MED27: variants seen among roughly 807,000 people sequenced by gnomAD.
MED27 encodes mediator complex subunit 27, also known as mediator of RNA polymerase II transcription subunit 27.
Under a neutral mutation model 38.2 loss-of-function variants are expected in MED27, and 30 were observed. The ratio of observed to expected loss-of-function variants is 0.79; its 90% CI spans 0.59 to 1.07. The LOEUF is 1.07. Ranked by LOEUF, MED27 falls within the 50% of genes least tolerant of loss-of-function variation. The pLI is 0.00. For missense variants in MED27, 289 were observed against 397.5 expected (o/e 0.73, Z 2.32); for synonymous variants, 122 against 153.5 (o/e 0.79, Z 1.52).
At chr9:132,005,862 T>C (rs971320231) in intron 3 of MED27, among the ~76,000 whole-genome samples, 4 of 152,174 alleles carry the variant, frequency 2.6e-5, no homozygotes, top group African/African-American at 9.7e-5. Flanking sequence ...CGAGCTTAGG[T>C]AGTGTCAGTT....
intron 4 of MED27, among the ~76,000 whole-genome samples, chr9:131,898,073 A>G (rs138530482): frequency 4.0e-5 from 6 of 151,108 alleles, no homozygotes; most frequent in East Asian, 3.9e-4. Flanking sequence ...TTACCTGCCA[A>G]TTGATAATTA....
intron 2 of MED27, among the ~76,000 whole-genome samples, chr9:132,040,460 G>C (rs1429812032): frequency 6.6e-6 from 1 of 152,220 alleles, no homozygotes; most frequent in Admixed American, 6.5e-5. Flanking sequence ...TCCACATGCA[G>C]AGAAGGCATC....
chr9:132,014,476 A>G lies in MED27; in HGVS notation c.349-9T>C. 3 of 1,609,850 alleles carry G rather than the reference A, an allele frequency of 1.9e-6. No homozygotes were observed. The highest frequency in any genetic ancestry group is 3.3e-4 in the Middle Eastern group (2 of 6,044). ...CCTGCATGGTACTGCAACTGCAGAG[A>G]AAAACAAAACAAAAGGGGAAGAAAA... On this transcript the variant is annotated splice_polypyrimidine_tract_variant and intron_variant, in intron 2 of 7. Transcript: ENST00000292035.
At chr9:132,029,125 C>A (rs752649898) in intron 2 of MED27, among the ~76,000 whole-genome samples, 40 of 152,102 alleles carry the variant, frequency 2.6e-4, no homozygotes, top group Non-Finnish European at 4.9e-4. Context: ...CAACTCCTAT[C>A]AAAAATCTGG....
rs373877643 is a variant in MED27 at position 131,870,105 on chromosome 9, C to G, written c.724-6965G>C. Among the ~76,000 whole-genome samples, 187 of 152,288 alleles carry G rather than the reference C, an allele frequency of 1.2e-3. 2 individuals carry two copies. Among genetic ancestry groups the G allele is most frequent in the African/African-American group, 4.3e-3 (178 of 41,554 alleles). On this transcript the variant is annotated intron_variant, in intron 6 of 7. Transcript: ENST00000292035. ...TGTGCATGGAGCTCCTGACAGCCCC[C>G]CTCCTACAATCAGAGCTGGAGGGTG...
At chr9:131,908,886 A>G (rs927666976) in intron 4 of MED27, among the ~76,000 whole-genome samples, 3 of 152,130 alleles carry the variant, frequency 2.0e-5, no homozygotes, top group African/African-American at 7.2e-5. Flanking sequence ...AAAAAAAAAA[A>G]AAAAAGAACT....
chr9:131,957,830 G>A lies in MED27; in HGVS notation c.480-18356C>T, dbSNP rs149074518. 4.9e-3 allele frequency among the ~76,000 whole-genome samples: 739 copies of A among 150,910 alleles called. 18 individuals are homozygous for A. Among genetic ancestry groups the A allele is most frequent in the Admixed American group, 0.035 (530 of 15,146 alleles). On this transcript the variant is annotated intron_variant, in intron 3 of 7. Transcript: ENST00000292035. ...TTAATGGTTCACGTCTGTAATCCTA[G>A]CACTTTAGGAGGTCAAGGTGGGAGG...
chr9:131,886,781 T>C (rs1431474093), intron 5 of MED27, among the ~76,000 whole-genome samples: 2 of 152,222 alleles, frequency 1.3e-5, no homozygotes, highest in African/African-American at 4.8e-5. Context: ...ATCGGGTTCG[T>C]ATTACTTTCT....
chr9:131,878,913 C>T (rs565844885), intron 6 of MED27, among the ~76,000 whole-genome samples: 41 of 150,452 alleles, frequency 2.7e-4, no homozygotes, highest in Non-Finnish European at 4.6e-4. Flanking sequence ...CACCCTAGGA[C>T]CAAGTGCAAG....
At position 132,079,798 on chromosome 9, in the gene MED27, T is replaced by C; in HGVS notation, c.47A>G (p.Gln16Arg). 1 of 1,613,416 alleles carries C rather than the reference T, an allele frequency of 6.2e-7. No individual in the cohort carries two copies. Among genetic ancestry groups the C allele is most frequent in the Non-Finnish European group, 8.5e-7 (1 of 1,179,736 alleles). The change falls in exon 1 of 8, where the codon CAG becomes CGG. Residue 16 changes from glutamine (Q) to arginine (R), a missense_variant. Gln to Arg is a conservative substitution (Grantham distance 43, BLOSUM62 1). Transcript: ENST00000292035. Reference protein sequence around the residue: ...NVSVNLEAFSQAISAIQALRS... With the variant: ...NVSVNLEAFSRAISAIQALRS... ...CAGCGCCTGGATGGCACTAATGGCC[T>C]GGGAAAAGGCCTCCAGGTTCACACT...
chr9:132,038,637 G>A (rs1398519607), intron 2 of MED27, among the ~76,000 whole-genome samples: 1 of 152,214 alleles, frequency 6.6e-6, no homozygotes, highest in African/African-American at 2.4e-5. Context: ...GCATGGGAGT[G>A]GGCTGCAATG....
At chr9:131,870,227 T>A (rs1405989095) in intron 6 of MED27, among the ~76,000 whole-genome samples, 2 of 152,192 alleles carry the variant, frequency 1.3e-5, no homozygotes, top group African/African-American at 4.8e-5. Flanking sequence ...ACTAATCCTG[T>A]GCAAGAGCTG....
At chr9:131,995,189 G>A (rs922866930) in intron 3 of MED27, among the ~76,000 whole-genome samples, 3 of 152,098 alleles carry the variant, frequency 2.0e-5, no homozygotes, top group Non-Finnish European at 2.9e-5. Flanking sequence ...GGCATATGGG[G>A]AGGGGACACG....
intron 3 of MED27, among the ~76,000 whole-genome samples, chr9:131,951,161 T>G (rs1030013581): frequency 6.6e-6 from 1 of 152,164 alleles, no homozygotes; most frequent in South Asian, 2.1e-4. Context: ...CCCAACCTCT[T>G]AAGTGAATTG....
intron 2 of MED27, among the ~76,000 whole-genome samples, chr9:132,027,407 A>C (rs1832847746): frequency 6.6e-6 from 1 of 152,172 alleles, no homozygotes; most frequent in Admixed American, 6.5e-5. Context: ...TGCTTCTTCC[A>C]ACTCCACCAC....
At chr9:131,999,287 G>A (rs531440411) in intron 3 of MED27, among the ~76,000 whole-genome samples, 75 of 152,298 alleles carry the variant, frequency 4.9e-4, no homozygotes, top group South Asian at 4.2e-3. Context: ...GTCTATCTAT[G>A]GGCCGGGTCC....
At chr9:131,884,185 T>C in intron 5 of MED27, 86 bp from the exon 6 acceptor site, 1 of 1,040,786 alleles carries the variant, frequency 9.6e-7, no homozygotes, top group Non-Finnish European at 1.4e-6. Flanking sequence ...TGTTAACCCT[T>C]CTTAAACTTG....
chr9:131,939,358 C>T (rs1297203467), intron 4 of MED27, 23 bp downstream of exon 4: 3 of 1,553,436 alleles, frequency 1.9e-6, no homozygotes, highest in Admixed American at 3.6e-5. Flanking sequence ...AACATCCCTA[C>T]AAATCAGTCA....
At chr9:131,905,255 A>C (rs1288333592) in intron 4 of MED27, among the ~76,000 whole-genome samples, 1 of 152,238 alleles carries the variant, frequency 6.6e-6, no homozygotes, top group Non-Finnish European at 1.5e-5. Flanking sequence ...ACCTGACAAA[A>C]TGGGAAGCTA....
Sources: allele counts gnomAD v4.1 joint callset (sites outside exome capture counted in the v4.1 genomes callset), GRCh38; gene constraint gnomAD v4.1.1; transcripts MANE v1.5; gene names NCBI Gene and HGNC (gene_info 2026-07-23, HGNC 2026-07-21).